Variants in COL4A5 observed in about 807,000 individuals in gnomAD.
The protein encoded by COL4A5 is collagen alpha-5(IV) chain.
In COL4A5, 26 loss-of-function variants were observed where a neutral mutation model predicts 130.2. The ratio of observed to expected loss-of-function variants is 0.20; its 90% CI spans 0.15 to 0.28. COL4A5 has a LOEUF of 0.28. Among genes scored for constraint, COL4A5 ranks in the 10% least tolerant of loss-of-function variants. The pLI is 1.00. For synonymous variants in COL4A5, 496 were observed against 439.6 expected, an observed-to-expected ratio of 1.13 and a Z score of -1.60; for missense variants, 1,131 against 1,344.3, an observed-to-expected ratio of 0.84 and a Z score of 2.48.
At chrX:108,688,475 G>A (rs1316036139) in intron 49 of COL4A5, among the ~76,000 whole-genome samples, 6 of 109,142 alleles carry the variant, frequency 5.5e-5, no homozygotes, top group Non-Finnish European at 1.1e-4. Flanking sequence ...TCGCTCTGTC[G>A]CCCAGGCTGG....
In COL4A5 at chrX:108,687,463, G is replaced by T; in HGVS notation, c.4316-19G>T. On this transcript the variant is annotated intron_variant, in intron 48 of 52. Coordinates refer to ENST00000328300, the MANE Select transcript of COL4A5 (RefSeq NM_033380.3). ...CAGAGCTTACTTAATCTTGTATACT[G>T]ATTATTTCGTGGAAATAGGTACCCG... 1 of 1,186,737 alleles carries T rather than the reference G, an allele frequency of 8.4e-7. No homozygotes were observed. The highest frequency in any genetic ancestry group is 1.8e-5 in the South Asian group (1 of 56,408).
chrX:108,696,441 T>G lies in COL4A5; in HGVS notation c.*63T>G. On this transcript the variant is annotated 3_prime_UTR_variant, in exon 53 of 53. Transcript: ENST00000328300. Reference sequence around the variant, plus strand: ...ATATATATATATAAAATTCCTAGGATGCAGTGTCTCATTGTCCCCAACTTT... The same window carrying G: ...ATATATATATATAAAATTCCTAGGAGGCAGTGTCTCATTGTCCCCAACTTT... The G allele has an allele frequency of 1.1e-6, 1 of 903,328 alleles. No individual in the cohort carries two copies. Among genetic ancestry groups the G allele is most frequent in the South Asian group, 2.2e-5 (1 of 46,425 alleles). 74.4% of individuals were successfully genotyped at this position (903,328 alleles called of 1,213,427 possible).
chrX:108,473,633 A>ATATATATATATATATATATATTT, intron 1 of COL4A5, among the ~76,000 whole-genome samples: 3 of 34,562 alleles, frequency 8.7e-5, no homozygotes, highest in Non-Finnish European at 1.2e-4. Context: ...ATATATATAT[A>ATATATATATATATATATATATTT]TTTTTTTTTT....
rs565614113 is a variant in COL4A5, at chrX:108,696,645, A to G, written c.*267A>G. 12 of 211,070 alleles carry G rather than the reference A, an allele frequency of 5.7e-5. No individual in the cohort carries two copies. In the South Asian group the frequency reaches 1.7e-3, roughly 31 times the overall value. 17.4% of individuals were successfully genotyped at this position (211,070 alleles called of 1,213,427 possible). On this transcript the variant is annotated 3_prime_UTR_variant, in exon 53 of 53. Coordinates refer to ENST00000328300, the MANE Select transcript of COL4A5 (RefSeq NM_033380.3). ...TCCAGAATGACTTTCTCCAAGAATTATAAGATGAAAATTATATATTTTGCC... is the reference window on the plus strand; with the variant it reads ...TCCAGAATGACTTTCTCCAAGAATTGTAAGATGAAAATTATATATTTTGCC...
At chrX:108,674,381 T>A (rs150485257) in intron 42 of COL4A5, 2,451 of 147,663 alleles carry the variant, frequency 0.017, 28 homozygotes, top group Non-Finnish European at 0.025. Context: ...ATTTGAAGGC[T>A]GTTGGTGAAA....
At chrX:108,694,526 T>C in intron 50 of COL4A5, 1 of 349,189 alleles carries the variant, frequency 2.9e-6, no homozygotes, top group South Asian at 3.7e-5. Context: ...AATTGAGGCA[T>C]TGACTATAGC....
intron 36 of COL4A5, among the ~76,000 whole-genome samples, chrX:108,642,724 G>A (rs747771447): frequency 9.2e-6 from 1 of 109,129 alleles, no homozygotes; most frequent in Non-Finnish European, 1.9e-5. Context: ...ATGGGACAAA[G>A]GGATCAGAAA....
chrX:108,653,732 T>G (rs770262213), intron 36 of COL4A5, among the ~76,000 whole-genome samples: 16 of 111,009 alleles, frequency 1.4e-4, no homozygotes, highest in Non-Finnish European at 2.6e-4. Flanking sequence ...TTTTTTCTTG[T>G]TTTTTATTTT....
intron 25 of COL4A5, 60 bp from the exon 26 acceptor site, chrX:108,601,333 A>T: frequency 1.3e-6 from 1 of 792,397 alleles, no homozygotes; most frequent in Non-Finnish European, 1.9e-6. Flanking sequence ...TTTTAATTAA[A>T]AAGAGACCTT....
At chrX:108,506,568 A>G (rs775587836) in intron 1 of COL4A5, among the ~76,000 whole-genome samples, 8 of 111,292 alleles carry the variant, frequency 7.2e-5, no homozygotes, top group Non-Finnish European at 1.5e-4. Flanking sequence ...GATTCCTCCC[A>G]TGTGCAGTTC....
At chrX:108,528,220 C>T (rs1483716476) in intron 1 of COL4A5, among the ~76,000 whole-genome samples, 1 of 112,214 alleles carries the variant, frequency 8.9e-6, no homozygotes, top group Non-Finnish European at 1.9e-5. Context: ...ACAGCCTTCA[C>T]TAATAACCAT....
Position 108,601,365 on chromosome X carries a change from T to C in COL4A5, c.1949-28T>C, listed in dbSNP as rs755874117. The stretch of plus-strand genomic sequence containing the variant: ...CCTTTAGTTGAGTAAATACTTCTCA[T>C]TTACCATTGATTTACTCTTGCTTTC... On this transcript the variant is annotated intron_variant, in intron 25 of 52. Transcript: ENST00000328300. 23 of 1,044,575 alleles carry C rather than the reference T, an allele frequency of 2.2e-5. No individual in the cohort carries two copies. The Admixed American group carries it at 5.1e-4, about 23-fold the overall frequency. The allele number at this position is 1,044,575 out of a possible 1,213,427, so 86.1% of individuals were successfully genotyped here. A position where few individuals can be genotyped will look rare whatever the true frequency, so the allele number is the denominator to read the frequency against.
chrX:108,470,280 T>C (rs1195455750), intron 1 of COL4A5, among the ~76,000 whole-genome samples: 1 of 112,535 alleles, frequency 8.9e-6, no homozygotes. Context: ...CATTCCCTTT[T>C]CTCTGCAGTC....
chrX:108,580,220 C>A (rs1164366024), intron 13 of COL4A5, among the ~76,000 whole-genome samples: 1 of 111,499 alleles, frequency 9.0e-6, no homozygotes, highest in African/African-American at 3.3e-5. Flanking sequence ...ACATAGTACT[C>A]AGAAGTTAGT....
intron 19 of COL4A5, 143 bp downstream of exon 19, chrX:108,586,890 T>C: frequency 6.4e-6 from 4 of 622,350 alleles, no homozygotes; most frequent in Non-Finnish European, 1.0e-5. Context: ...CAACTCTTAC[T>C]ATACCTTCTC....
chrX:108,648,243 A>T (rs982753789), intron 36 of COL4A5, among the ~76,000 whole-genome samples: 7 of 110,997 alleles, frequency 6.3e-5, no homozygotes, highest in Non-Finnish European at 1.3e-4. Flanking sequence ...AACAAGCAGC[A>T]AGCTTGAAAT....
intron 1 of COL4A5, among the ~76,000 whole-genome samples, chrX:108,446,303 A>G (rs1375026938): frequency 1.8e-5 from 2 of 112,211 alleles, no homozygotes; most frequent in Admixed American, 9.5e-5. Flanking sequence ...TACAACTTGT[A>G]TTTATACACA....
chrX:108,552,058 G>A (rs904334075), intron 2 of COL4A5, among the ~76,000 whole-genome samples: 2 of 111,406 alleles, frequency 1.8e-5, no homozygotes, highest in Non-Finnish European at 3.8e-5. Context: ...GACTACTAGT[G>A]GGGGAAGATG....
chrX:108,494,278 C>T (rs2065016437), intron 1 of COL4A5, among the ~76,000 whole-genome samples: 1 of 111,097 alleles, frequency 9.0e-6, no homozygotes, highest in South Asian at 3.8e-4. Flanking sequence ...AAGCACCACT[C>T]TGACACATGG....
Sources: gnomAD v4.1 joint callset for allele counts (sites outside exome capture counted in the v4.1 genomes callset) on GRCh38, gnomAD v4.1.1 for gene constraint, MANE v1.5 for transcripts, NCBI Gene and HGNC (gene_info 2026-07-23, HGNC 2026-07-21) for gene names.